UBL3: variants seen among roughly 807,000 people sequenced by gnomAD.
UBL3 encodes the protein ubiquitin-like protein 3.
In UBL3, 6 loss-of-function variants were observed where a neutral mutation model predicts 18.4. That is an observed-to-expected ratio of 0.33 (90% CI 0.18 to 0.64). The LOEUF (loss-of-function observed/expected upper bound fraction) is 0.64. Ranked by LOEUF, UBL3 falls within the 30% of genes least tolerant of loss-of-function variation. The pLI is 0.76. For synonymous variants in UBL3, 49 were observed against 46.6 expected, an observed-to-expected ratio of 1.05 and a Z score of -0.21; for missense variants, 109 against 142.9, an observed-to-expected ratio of 0.76 and a Z score of 1.21.
intron 1 of UBL3, among the ~76,000 whole-genome samples, chr13:29,806,269 C>T (rs927521432): frequency 6.6e-6 from 1 of 152,160 alleles, no homozygotes. Context: ...TTACATAAAA[C>T]TGTGCTATAG....
At chr13:29,842,532 C>T (rs1450985761) in intron 1 of UBL3, among the ~76,000 whole-genome samples, 1 of 152,172 alleles carries the variant, frequency 6.6e-6, no homozygotes, top group Non-Finnish European at 1.5e-5. Context: ...GTCAACCTAA[C>T]TTGTTTCACC....
Position 29,849,693 on chromosome 13 carries a change from G to A in UBL3, c.-155C>T, listed in dbSNP as rs562139199. ...AAGTTATTTTGGAGCCAAAGTGCCGGTCAGGCCGAGGTTCTGGTTCGAAGA... is the reference window on the plus strand; with the variant it reads ...AAGTTATTTTGGAGCCAAAGTGCCGATCAGGCCGAGGTTCTGGTTCGAAGA... On this transcript the variant is annotated 5_prime_UTR_variant, in exon 1 of 5. Coordinates refer to ENST00000380680, the MANE Select transcript of UBL3 (RefSeq NM_007106.4). 9.3e-6 allele frequency: 9 copies of A among 966,180 alleles called. No individual in the cohort carries two copies. The East Asian group carries it at 2.1e-4, about 22-fold the overall frequency. 59.9% of individuals were successfully genotyped at this position (966,180 alleles called of 1,614,324 possible).
intron 1 of UBL3, among the ~76,000 whole-genome samples, chr13:29,846,808 T>C (rs115153759): frequency 1.3e-3 from 203 of 152,294 alleles, no homozygotes; most frequent in African/African-American, 4.6e-3. Context: ...TAAAAAAGTG[T>C]AACATTTGTT....
rs576724559 is a variant in UBL3, at chr13:29,846,790, C to T, written c.27+2722G>A. Among the ~76,000 whole-genome samples, 11 of 152,246 alleles carry T rather than the reference C, an allele frequency of 7.2e-5. No individual in the cohort carries two copies. In the South Asian group the frequency reaches 2.3e-3, roughly 32 times the overall value. On this transcript the variant is annotated intron_variant, in intron 1 of 4. Transcript: ENST00000380680. ...GACTTCAATAGAAATGACACCACCACCAAAAAGTAAAAAAGTGTAACATTT... is the reference window on the plus strand; with the variant it reads ...GACTTCAATAGAAATGACACCACCATCAAAAAGTAAAAAAGTGTAACATTT...
intron 1 of UBL3, among the ~76,000 whole-genome samples, chr13:29,841,313 G>T (rs535576478): frequency 6.6e-6 from 1 of 151,532 alleles, no homozygotes; most frequent in African/African-American, 2.4e-5. Flanking sequence ...TAAAAGTATG[G>T]AGACAAAAAC....
intron 1 of UBL3, among the ~76,000 whole-genome samples, chr13:29,832,773 C>G (rs1878815613): frequency 6.6e-6 from 1 of 152,166 alleles, no homozygotes; most frequent in Admixed American, 6.5e-5. Flanking sequence ...TGGTCCCTCC[C>G]AGAAGTCAGC....
intron 1 of UBL3, among the ~76,000 whole-genome samples, chr13:29,846,443 C>CA (rs1467636861): frequency 1.3e-5 from 2 of 151,986 alleles, no homozygotes; most frequent in African/African-American, 2.4e-5. Context: ...CTCCCTCATC[C>CA]AAAAAATTGA....
At chr13:29,839,002 C>G (rs1879026942) in intron 1 of UBL3, among the ~76,000 whole-genome samples, 1 of 152,036 alleles carries the variant, frequency 6.6e-6, no homozygotes, top group African/African-American at 2.4e-5. Flanking sequence ...GACAGGAAGA[C>G]AGAACAATCA....
At chr13:29,847,734 G>C (rs1214706565) in intron 1 of UBL3, among the ~76,000 whole-genome samples, 1 of 152,166 alleles carries the variant, frequency 6.6e-6, no homozygotes. Flanking sequence ...GCTTTCGAGA[G>C]AGCAAATCTT....
At position 29,786,265 on chromosome 13, in the gene UBL3, T is replaced by C. The variant is rs375473724; in HGVS notation, c.28-9002A>G. ...TTCTCCAGCATCATCTCCACCACTC[T>C]TCCCCTCACTAGGCTCCAACCACAG... On this transcript the variant is annotated intron_variant, in intron 1 of 4. Transcript: ENST00000380680. Among the ~76,000 whole-genome samples the C allele has an allele frequency of 2.3e-4, 35 of 152,324 alleles. No homozygotes were observed. The East Asian group carries it at 5.0e-3, about 22-fold the overall frequency.
At chr13:29,802,355 C>T (rs1877793831) in intron 1 of UBL3, among the ~76,000 whole-genome samples, 1 of 152,206 alleles carries the variant, frequency 6.6e-6, no homozygotes, top group Non-Finnish European at 1.5e-5. Flanking sequence ...TAAAGAACAT[C>T]AGCCCACACA....
At chr13:29,807,894 T>C (rs904342897) in intron 1 of UBL3, among the ~76,000 whole-genome samples, 3 of 152,216 alleles carry the variant, frequency 2.0e-5, no homozygotes, top group African/African-American at 4.8e-5. Context: ...TAATATTTCC[T>C]TCATTTTTCA....
intron 1 of UBL3, among the ~76,000 whole-genome samples, chr13:29,834,108 ACC>A (rs1391186879): frequency 1.3e-5 from 2 of 151,194 alleles, no homozygotes; most frequent in Admixed American, 6.6e-5. Context: ...AATCACTTGA[ACC>A]CAGGAGCTTC....
intron 1 of UBL3, among the ~76,000 whole-genome samples, chr13:29,804,477 G>A (rs1265287301): frequency 6.6e-6 from 1 of 152,082 alleles, no homozygotes; most frequent in African/African-American, 2.4e-5. Context: ...GCCAAAATTA[G>A]AGCTGAAATG....
chr13:29,787,034 G>T (rs1206465350), intron 1 of UBL3, among the ~76,000 whole-genome samples: 3 of 152,106 alleles, frequency 2.0e-5, no homozygotes, highest in Non-Finnish European at 1.5e-5. Context: ...AATAATTTTT[G>T]AATTATAGAA....
At chr13:29,772,941 C>T (rs1876883043) in intron 2 of UBL3, among the ~76,000 whole-genome samples, 1 of 152,072 alleles carries the variant, frequency 6.6e-6, no homozygotes, top group African/African-American at 2.4e-5. Flanking sequence ...ATGGAAACCA[C>T]TCCATTAAAA....
At chr13:29,826,516 T>C (rs1197117436) in intron 1 of UBL3, among the ~76,000 whole-genome samples, 2 of 152,240 alleles carry the variant, frequency 1.3e-5, no homozygotes, top group Admixed American at 6.5e-5. Context: ...TGATGGTAGT[T>C]TGTATTTCTG....
intron 1 of UBL3, among the ~76,000 whole-genome samples, chr13:29,827,750 A>G (rs1270064002): frequency 6.6e-6 from 1 of 152,166 alleles, no homozygotes; most frequent in African/African-American, 2.4e-5. Context: ...TTTGCTCATT[A>G]GTTGATGCAG....
At chr13:29,824,949 T>A (rs920848560) in intron 1 of UBL3, among the ~76,000 whole-genome samples, 2 of 152,242 alleles carry the variant, frequency 1.3e-5, no homozygotes, top group African/African-American at 4.8e-5. Context: ...CCCAGCACCA[T>A]TTGTTAAATA....
Sources: allele counts gnomAD v4.1 joint callset (sites outside exome capture counted in the v4.1 genomes callset), GRCh38; gene constraint gnomAD v4.1.1; transcripts MANE v1.5; gene names NCBI Gene and HGNC (gene_info 2026-07-23, HGNC 2026-07-21).